Variants in CADPS2 observed in about 807,000 individuals in gnomAD.
CADPS2 encodes calcium dependent secretion activator 2.
CADPS2 carries 93 observed loss-of-function variants against 172.5 expected under a neutral mutation model. The ratio of observed to expected loss-of-function variants is 0.54; its 90% CI spans 0.46 to 0.64. The LOEUF (loss-of-function observed/expected upper bound fraction) is 0.64. CADPS2 is among the 30% of genes least tolerant of loss of function. The pLI, the probability that CADPS2 is intolerant of heterozygous loss-of-function variation, is 0.00. For synonymous variants in CADPS2, 546 were observed against 555.2 expected (o/e 0.98, Z 0.23); for missense variants, 1,420 against 1,565.9 (o/e 0.91, Z 1.57).
chr7:122,568,227 C>T (rs1267787252), intron 7 of CADPS2, among the ~76,000 whole-genome samples: 1 of 151,928 alleles, frequency 6.6e-6, no homozygotes, highest in Admixed American at 6.6e-5. Flanking sequence ...GGCAAAACCC[C>T]ATCTCTACAA....
intron 23 of CADPS2, 80 bp downstream of exon 23, chr7:122,388,503 A>G: frequency 7.5e-7 from 1 of 1,331,990 alleles, no homozygotes; most frequent in Non-Finnish European, 1.0e-6. Context: ...TGCTGTGACA[A>G]TAATATATTA....
intron 1 of CADPS2, among the ~76,000 whole-genome samples, chr7:122,851,267 G>C (rs1312054405): frequency 6.6e-6 from 1 of 152,124 alleles, no homozygotes; most frequent in African/African-American, 2.4e-5. Context: ...GCAGTCCCCA[G>C]GGATGTTCAA....
intron 17 of CADPS2, among the ~76,000 whole-genome samples, chr7:122,429,319 T>C (rs1480054068): frequency 6.7e-6 from 1 of 148,908 alleles, no homozygotes; most frequent in Admixed American, 6.8e-5. Flanking sequence ...ATTTGGTCCC[T>C]ATCCAGGTGA....
At chr7:122,818,790 G>A (rs1340878723) in intron 1 of CADPS2, among the ~76,000 whole-genome samples, 2 of 152,108 alleles carry the variant, frequency 1.3e-5, no homozygotes, top group Non-Finnish European at 2.9e-5. Context: ...CAAGGTTAAT[G>A]CTCCTTTTTC....
chr7:122,552,882 T>C (rs1304987108), intron 8 of CADPS2, among the ~76,000 whole-genome samples: 3 of 151,946 alleles, frequency 2.0e-5, no homozygotes, highest in Non-Finnish European at 4.4e-5. Flanking sequence ...TGTGTTCTTT[T>C]ATGTGTAACT....
intron 8 of CADPS2, among the ~76,000 whole-genome samples, chr7:122,515,616 C>T (rs2060300069): frequency 6.6e-6 from 1 of 152,028 alleles, no homozygotes; most frequent in Non-Finnish European, 1.5e-5. Context: ...AAGTGTCTCA[C>T]TTTGCAGACT....
intron 2 of CADPS2, among the ~76,000 whole-genome samples, chr7:122,672,616 G>A (rs537538585): frequency 1.3e-5 from 2 of 152,248 alleles, no homozygotes; most frequent in South Asian, 4.2e-4. Flanking sequence ...AGAATACTGG[G>A]CCTTGGAATC....
At chr7:122,787,735 A>G (rs537443621) in intron 1 of CADPS2, among the ~76,000 whole-genome samples, 4 of 152,320 alleles carry the variant, frequency 2.6e-5, no homozygotes, top group African/African-American at 9.6e-5. Flanking sequence ...ATTCAAACGT[A>G]ATAAAGTAAC....
Position 122,687,922 on chromosome 7 carries a change from T to C in CADPS2, c.454-24353A>G, listed in dbSNP as rs150906876. 2.5e-3 allele frequency among the ~76,000 whole-genome samples: 384 copies of C among 152,338 alleles called. 1 individual carries two copies. Among genetic ancestry groups the C allele is most frequent in the African/African-American group, 8.3e-3 (347 of 41,574 alleles). ...GCCTTTTGTTAATTTTTTACATTTA[T>C]CTCATTTAATTAGTCTAAGTATAGA... On this transcript the variant is annotated intron_variant, in intron 2 of 29. Coordinates refer to ENST00000449022, the MANE Select transcript of CADPS2 (RefSeq NM_017954.11).
At chr7:122,493,471 A>T (rs1397101188) in intron 9 of CADPS2, among the ~76,000 whole-genome samples, 12 of 152,214 alleles carry the variant, frequency 7.9e-5, no homozygotes, top group Non-Finnish European at 1.5e-5. Flanking sequence ...GCTAAGTTGC[A>T]TGACAAATTG....
rs190781590 is a variant in CADPS2, at chr7:122,440,603, A to T, written c.2352+909T>A. ...TGTAGTCCTCATCTCCCAAGTTCTT[A>T]AATCAATGAAATGGAGATGTAATAT... On this transcript the variant is annotated intron_variant, in intron 16 of 29. Transcript: ENST00000449022. Among the ~76,000 whole-genome samples the T allele has an allele frequency of 3.3e-5, 5 of 152,320 alleles. No individual in the cohort carries two copies. In the East Asian group the frequency reaches 9.6e-4, roughly 29 times the overall value.
intron 8 of CADPS2, among the ~76,000 whole-genome samples, chr7:122,527,580 A>AAGAGAGAG (rs1192583104): frequency 2.2e-3 from 182 of 84,606 alleles, no homozygotes; most frequent in South Asian, 6.5e-3. Context: ...GATAATACTG[A>AAGAGAGAG]ATAGAGAGAG....
chr7:122,567,375 G>A (rs2066603395), intron 7 of CADPS2, among the ~76,000 whole-genome samples: 1 of 152,016 alleles, frequency 6.6e-6, no homozygotes, highest in South Asian at 2.1e-4. Flanking sequence ...GACTATTCTG[G>A]CTAGGTTGTT....
At chr7:122,632,826 G>A (rs1400944990) in intron 3 of CADPS2, among the ~76,000 whole-genome samples, 1 of 152,032 alleles carries the variant, frequency 6.6e-6, no homozygotes, top group African/African-American at 2.4e-5. Context: ...TTTAAACTTT[G>A]AAGTCTTACA....
intron 1 of CADPS2, among the ~76,000 whole-genome samples, chr7:122,751,344 A>G (rs1363684059): frequency 1.3e-5 from 2 of 152,244 alleles, no homozygotes; most frequent in South Asian, 4.2e-4. Flanking sequence ...ATTTAAAAAA[A>G]TCATGTCGAG....
chr7:122,587,001 T>C (rs1363488738), intron 6 of CADPS2, among the ~76,000 whole-genome samples: 1 of 149,264 alleles, frequency 6.7e-6, no homozygotes, highest in Non-Finnish European at 1.5e-5. Context: ...GCATCACTAA[T>C]TTTATAACAG....
chr7:122,774,273 C>CAG (rs1394079039), intron 1 of CADPS2, among the ~76,000 whole-genome samples: 1 of 57,018 alleles, frequency 1.8e-5, no homozygotes, highest in Non-Finnish European at 3.5e-5. Context: ...TAGATATACA[C>CAG]ACACACACAC....
intron 1 of CADPS2, among the ~76,000 whole-genome samples, chr7:122,841,037 A>G (rs1009585527): frequency 6.6e-6 from 1 of 152,196 alleles, no homozygotes; most frequent in Non-Finnish European, 1.5e-5. Flanking sequence ...TAATTTAACA[A>G]ATTGATCAAT....
rs1252970534 is a variant in CADPS2 at position 122,436,570 on chromosome 7, A to G, written c.2476+1771T>C. On this transcript the variant is annotated intron_variant, in intron 17 of 29. Transcript: ENST00000449022. ...GAGAGGGAGATGATGAAAAACATGG[A>G]AGTTTTTCTCACCTAATGAGCAAGC... Among the ~76,000 whole-genome samples, 44 of 151,886 alleles carry G rather than the reference A, an allele frequency of 2.9e-4. 1 individual carries two copies. Among genetic ancestry groups the G allele is most frequent in the Admixed American group, 2.9e-3 (44 of 15,226 alleles).
Sources: allele counts gnomAD v4.1 joint callset (sites outside exome capture counted in the v4.1 genomes callset), GRCh38; gene constraint gnomAD v4.1.1; transcripts MANE v1.5; gene names NCBI Gene and HGNC (gene_info 2026-07-23, HGNC 2026-07-21).